The following ZNF69 variants were observed in gnomAD, a reference collection of about 807,000 sequenced individuals.
ZNF69 encodes zinc finger protein 69.
ZNF69 carries 47 observed loss-of-function variants against 50.9 expected under a neutral mutation model. That is an observed-to-expected ratio of 0.92 (90% CI 0.73 to 1.18). The LOEUF is 1.18. ZNF69 is among the 50% of genes most tolerant of loss of function. The pLI is 0.00. For synonymous variants in ZNF69, 216 were observed against 223.1 expected, an observed-to-expected ratio of 0.97 and a Z score of 0.29; for missense variants, 717 against 675.1, an observed-to-expected ratio of 1.06 and a Z score of -0.69.
intron 4 of ZNF69, among the ~76,000 whole-genome samples, chr19:11,912,912 A>T (rs992472134): frequency 6.6e-6 from 1 of 152,232 alleles, no homozygotes; most frequent in East Asian, 1.9e-4. Flanking sequence ...AAGAAGCTAT[A>T]ATAGTAAGGC....
At chr19:11,965,121 A>T in the ZNF69 span, 4 of 1,582,770 alleles carry the variant, frequency 2.5e-6, no homozygotes, top group Non-Finnish European at 3.5e-6. Flanking sequence ...ACCTCTACCC[A>T]GGTTTCTATC....
At chr19:11,928,532 A>G in the ZNF69 span, among the ~76,000 whole-genome samples, 28 of 151,056 alleles carry the variant, frequency 1.9e-4, no homozygotes, top group East Asian at 3.9e-3. Context: ...GGAGATCGAG[A>G]CCATCCCGGC....
chr19:11,928,754 AAGT>A, the ZNF69 span, among the ~76,000 whole-genome samples: 1 of 139,026 alleles, frequency 7.2e-6, no homozygotes, highest in South Asian at 2.1e-4. Flanking sequence ...AAAAAAAAGA[AAGT>A]AGTCTCTGTA....
the ZNF69 span, among the ~76,000 whole-genome samples, chr19:11,973,717 ATT>A: frequency 1.1e-3 from 160 of 142,504 alleles, no homozygotes; most frequent in African/African-American, 3.3e-3. Context: ...GACCTTGTTA[ATT>A]TTTTTTTTTT....
chr19:11,973,597 C>T, the ZNF69 span, among the ~76,000 whole-genome samples: 4,189 of 152,192 alleles, frequency 0.028, 172 homozygotes, highest in African/African-American at 0.093. Context: ...AAAGGCTCAT[C>T]CTGAGCCTGG....
At chr19:11,923,350 TC>T in the ZNF69 span, among the ~76,000 whole-genome samples, 1 of 152,230 alleles carries the variant, frequency 6.6e-6, no homozygotes, top group Admixed American at 6.5e-5. Context: ...AGTTTTCACG[TC>T]CCGATTGGGC....
chr19:11,966,831 G>A, the ZNF69 span, among the ~76,000 whole-genome samples: 2 of 152,124 alleles, frequency 1.3e-5, no homozygotes, highest in Non-Finnish European at 2.9e-5. Context: ...TCAGCTGGAA[G>A]AGTTTATTCA....
chr19:11,963,995 G>A, the ZNF69 span, among the ~76,000 whole-genome samples: 3 of 152,380 alleles, frequency 2.0e-5, no homozygotes, highest in South Asian at 2.1e-4. Flanking sequence ...GAGGAGAGCA[G>A]GGGTTTGAGG....
At chr19:11,941,779 C>T in the ZNF69 span, among the ~76,000 whole-genome samples, 14 of 152,330 alleles carry the variant, frequency 9.2e-5, no homozygotes, top group South Asian at 2.1e-4. Context: ...CCTCAAGTGC[C>T]GCCAAAGTGG....
the ZNF69 span, chr19:11,977,436 T>C: frequency 6.2e-7 from 1 of 1,613,896 alleles, no homozygotes; most frequent in East Asian, 2.2e-5. Flanking sequence ...CTTCAGGTAA[T>C]TGGCACTTAA....
the ZNF69 span, among the ~76,000 whole-genome samples, chr19:11,937,380 G>A: frequency 6.6e-6 from 1 of 151,894 alleles, no homozygotes; most frequent in Non-Finnish European, 1.5e-5. Context: ...GTCTCCCTAT[G>A]TTGCCCAGGC....
At chr19:11,922,830 A>T in the ZNF69 span, among the ~76,000 whole-genome samples, 2 of 141,928 alleles carry the variant, frequency 1.4e-5, no homozygotes, top group African/African-American at 2.6e-5. Context: ...TTTGTTTTTG[A>T]TTTTTTTTTT....
chr19:11,899,110 C>T (rs745825951), intron 1 of ZNF69, among the ~76,000 whole-genome samples: 1 of 152,160 alleles, frequency 6.6e-6, no homozygotes, highest in Non-Finnish European at 1.5e-5. Context: ...CTCTCCCTTC[C>T]CTCTTTTGCC....
At chr19:11,949,711 C>T in the ZNF69 span, 3 of 1,613,978 alleles carry the variant, frequency 1.9e-6, no homozygotes, top group Non-Finnish European at 2.5e-6. Context: ...TGGAGAGAAA[C>T]CCTATGAGTG....
At chr19:11,916,017 A>G (rs2145258838), downstream of ZNF69, among the ~76,000 whole-genome samples, 1 of 152,160 alleles carries the variant, frequency 6.6e-6, no homozygotes, top group South Asian at 2.1e-4. Flanking sequence ...TACTGAGAGA[A>G]CCTCAGAGCC....
chr19:11,917,631 A>ATTTGTTTG (rs1351460390), downstream of ZNF69, among the ~76,000 whole-genome samples: 23 of 100,088 alleles, frequency 2.3e-4, no homozygotes, highest in African/African-American at 1.2e-3. Context: ...CTGAGAATTT[A>ATTTGTTTG]TTTATTTGTT....
the ZNF69 span, chr19:11,950,103 A>G: frequency 6.2e-7 from 1 of 1,614,196 alleles, no homozygotes. Context: ...TTCTTCAAAT[A>G]CATGCAAGAA....
chr19:11,905,059 A>G lies in ZNF69; in HGVS notation c.662A>G (p.Lys221Arg). 6.2e-7 allele frequency: 1 copy of G among 1,614,180 alleles called. No homozygotes were observed. Among genetic ancestry groups the G allele is most frequent in the Non-Finnish European group, 8.5e-7 (1 of 1,180,036 alleles). ...ATGCACAGTGGGGATGGACCTTATA[A>G]ATGTAAATTTTGTGGGAAAGCCTTC... ...VVMHSGDGPY[K>R]CKFCGKAFHC... Residue 221 changes from lysine to arginine, a missense_variant, in exon 4 of 4, where the codon AAA (lysine) becomes AGA (arginine). Lys to Arg is a conservative substitution (Grantham distance 26). Coordinates refer to ENST00000429654, the MANE Select transcript of ZNF69 (RefSeq NM_001364730.1).
chr19:11,931,915 A>G, the ZNF69 span, among the ~76,000 whole-genome samples: 3 of 147,986 alleles, frequency 2.0e-5, no homozygotes, highest in Non-Finnish European at 4.4e-5. Context: ...CAGGAGTTCA[A>G]GATCACCCTG....
Sources: allele counts gnomAD v4.1 joint callset (sites outside exome capture counted in the v4.1 genomes callset), GRCh38; gene constraint gnomAD v4.1.1; transcripts MANE v1.5; gene names NCBI Gene and HGNC (gene_info 2026-07-23, HGNC 2026-07-21).